NOX4: variants seen among roughly 807,000 people sequenced by gnomAD.
NOX4 encodes the protein NADPH oxidase 4.
Under a neutral mutation model 87.6 loss-of-function variants are expected in NOX4, and 69 were observed. The ratio of observed to expected loss-of-function variants is 0.79; its 90% CI spans 0.65 to 0.96. The LOEUF (loss-of-function observed/expected upper bound fraction) is 0.96. NOX4 is among the 40% of genes least tolerant of loss of function. The pLI is 0.00. For missense variants in NOX4, 680 were observed against 681.5 expected (o/e 1.00, Z 0.02); for synonymous variants, 275 against 238.2 (o/e 1.15, Z -1.42).
At chr11:89,339,896 T>C (rs751509734) in intron 15 of NOX4, among the ~76,000 whole-genome samples, 167 bp downstream of exon 15, 1 of 152,202 alleles carries the variant, frequency 6.6e-6, no homozygotes, top group Admixed American at 6.5e-5. Context: ...TGCTAACAGA[T>C]ATTATCTCTG....
intron 11 of NOX4, among the ~76,000 whole-genome samples, chr11:89,375,531 C>A (rs1591057001): frequency 6.6e-6 from 1 of 152,264 alleles, no homozygotes; most frequent in South Asian, 2.1e-4. Context: ...TGATCTGAAA[C>A]TCTTGGCCTC....
At chr11:89,447,867 C>G (rs1486494496) in intron 4 of NOX4, among the ~76,000 whole-genome samples, 2 of 152,130 alleles carry the variant, frequency 1.3e-5, no homozygotes, top group African/African-American at 4.8e-5. Flanking sequence ...AGCCTCTCCC[C>G]ATCTAACACC....
intron 8 of NOX4, among the ~76,000 whole-genome samples, chr11:89,406,810 A>G (rs747502850): frequency 3.3e-5 from 5 of 152,172 alleles, no homozygotes; most frequent in Non-Finnish European, 5.9e-5. Flanking sequence ...ACCAAAAATG[A>G]TAATTAAAAA....
At position 89,486,464 on chromosome 11, in the gene NOX4, A is replaced by ATGTGTG. The variant is rs4002196; in HGVS notation, c.153+3988_153+3993dup. Among the ~76,000 whole-genome samples the ATGTGTG allele has an allele frequency of 7.1e-5, 10 of 141,428 alleles. 1 individual carries two copies. The highest frequency in any genetic ancestry group is 6.7e-4 in the South Asian group (3 of 4,508). The allele number at this position is 141,428 out of a possible 152,430, so 92.8% of individuals were successfully genotyped here. A position where few individuals can be genotyped will look rare whatever the true frequency, so the allele number is the denominator to read the frequency against. ...ATGTGCCACCACGCCCAGCTAATAT[A>ATGTGTG]TGTGTGTGTGTGTGTGTGTGTGTTT... is the stretch of plus-strand genomic sequence containing the variant. On this transcript the variant is annotated intron_variant, in intron 2 of 17. Transcript: ENST00000263317.
At chr11:89,458,914 A>G (rs935238890) in intron 2 of NOX4, among the ~76,000 whole-genome samples, 3 of 152,194 alleles carry the variant, frequency 2.0e-5, no homozygotes, top group Non-Finnish European at 4.4e-5. Context: ...CAACGAAATT[A>G]AAACCAAACT....
At chr11:89,493,375 C>A (rs746841890), upstream of NOX4, among the ~76,000 whole-genome samples, 56 of 145,550 alleles carry the variant, frequency 3.8e-4, no homozygotes, top group Admixed American at 1.6e-3. Context: ...TGCGACAGAG[C>A]AAGACTCTAT....
At chr11:89,440,929 C>T (rs1944427835) in intron 5 of NOX4, among the ~76,000 whole-genome samples, 1 of 152,102 alleles carries the variant, frequency 6.6e-6, no homozygotes, top group Admixed American at 6.6e-5. Context: ...GAAATCTATC[C>T]ATCTGAGGCA....
intron 12 of NOX4, among the ~76,000 whole-genome samples, 155 bp downstream of exon 12, chr11:89,373,277 C>CAAAAAAAAAAAAAAAAAAAAAAAAAAA (rs144113376): frequency 1.7e-5 from 1 of 59,100 alleles, no homozygotes; most frequent in Non-Finnish European, 3.5e-5. Flanking sequence ...ACTGTACAAG[C>CAAAAAAAAAAAAAAAAAAAAAAAAAAA]AAAAAAAAAA....
intron 2 of NOX4, among the ~76,000 whole-genome samples, chr11:89,468,259 A>T (rs1945789852): frequency 6.6e-6 from 1 of 152,186 alleles, no homozygotes; most frequent in Non-Finnish European, 1.5e-5. Context: ...TCTGCATAAT[A>T]ATTTTCCTAA....
At chr11:89,566,078 T>C in the NOX4 span, among the ~76,000 whole-genome samples, 2 of 150,670 alleles carry the variant, frequency 1.3e-5, no homozygotes, top group East Asian at 3.9e-4. Context: ...AGTTGCGCTC[T>C]GTCGCCTAGG....
At chr11:89,512,222 C>T in the NOX4 span, among the ~76,000 whole-genome samples, 1 of 152,004 alleles carries the variant, frequency 6.6e-6, no homozygotes, top group Admixed American at 6.6e-5. Context: ...AGGTAATAGA[C>T]ATATCCATCA....
intron 7 of NOX4, among the ~76,000 whole-genome samples, chr11:89,427,252 T>C (rs1419032266): frequency 1.3e-5 from 2 of 151,812 alleles, no homozygotes; most frequent in Non-Finnish European, 2.9e-5. Flanking sequence ...CAAAGACAGA[T>C]AAAACCACAA....
chr11:89,554,590 T>C, the NOX4 span, among the ~76,000 whole-genome samples: 1 of 152,142 alleles, frequency 6.6e-6, no homozygotes, highest in African/African-American at 2.4e-5. Context: ...TAGTTATAAA[T>C]ATCTTGGAAG....
At chr11:89,350,983 A>G (rs1946431410) in intron 13 of NOX4, among the ~76,000 whole-genome samples, 1 of 152,216 alleles carries the variant, frequency 6.6e-6, no homozygotes, top group Non-Finnish European at 1.5e-5. Context: ...ACACGATTAA[A>G]CTTAGTGAGG....
chr11:89,418,461 T>TAATAAA (rs1473601003), intron 8 of NOX4, among the ~76,000 whole-genome samples: 30 of 144,910 alleles, frequency 2.1e-4, no homozygotes, highest in South Asian at 1.3e-3. Flanking sequence ...ATAATAATAA[T>TAATAAA]AAATTTACAG....
At chr11:89,441,834 G>A (rs1944468343) in intron 5 of NOX4, among the ~76,000 whole-genome samples, 1 of 151,728 alleles carries the variant, frequency 6.6e-6, no homozygotes, top group Non-Finnish European at 1.5e-5. Context: ...GCAGTCACAA[G>A]GTGGAGGGTG....
chr11:89,462,036 G>A (rs1448671788), intron 2 of NOX4, among the ~76,000 whole-genome samples: 1 of 151,914 alleles, frequency 6.6e-6, no homozygotes, highest in Non-Finnish European at 1.5e-5. Flanking sequence ...GCAAGGGAGG[G>A]TAAGAAGCAT....
chr11:89,515,953 TGTTAA>T, the NOX4 span, among the ~76,000 whole-genome samples: 3 of 152,090 alleles, frequency 2.0e-5, no homozygotes, highest in Admixed American at 1.3e-4. Context: ...TCCATTCCAC[TGTTAA>T]GTTCATCCAA....
intron 17 of NOX4, among the ~76,000 whole-genome samples, 177 bp from the exon 18 acceptor site, chr11:89,327,053 T>A (rs1418021998): frequency 6.6e-6 from 1 of 152,242 alleles, no homozygotes; most frequent in African/African-American, 2.4e-5. Flanking sequence ...GAAAATATTT[T>A]ATTTACCTCA....
Sources: gnomAD v4.1 joint callset for allele counts (sites outside exome capture counted in the v4.1 genomes callset) on GRCh38, gnomAD v4.1.1 for gene constraint, MANE v1.5 for transcripts, NCBI Gene and HGNC (gene_info 2026-07-23, HGNC 2026-07-21) for gene names.